The following FRK variants were observed in gnomAD, a reference collection of about 807,000 sequenced individuals.
The protein encoded by FRK is fyn related Src family tyrosine kinase.
FRK carries 51 observed loss-of-function variants against 56.4 expected under a neutral mutation model. That is an observed-to-expected ratio of 0.90 (90% CI 0.72 to 1.14). FRK has a LOEUF of 1.14. Among genes scored for constraint, FRK ranks in the 50% most tolerant of loss-of-function variants. The pLI is 0.00. For missense variants in FRK, 570 were observed against 601.4 expected (o/e 0.95, Z 0.55); for synonymous variants, 245 against 217.9 (o/e 1.12, Z -1.10).
At chr6:116,099,056 A>C in the FRK span, among the ~76,000 whole-genome samples, 13 of 152,350 alleles carry the variant, frequency 8.5e-5, no homozygotes, top group Non-Finnish European at 1.6e-4. Context: ...CAGCAAGTAC[A>C]TAAGATTGTT....
intron 1 of FRK, among the ~76,000 whole-genome samples, chr6:116,017,276 C>T (rs1162731445): frequency 1.3e-5 from 2 of 152,172 alleles, no homozygotes; most frequent in Non-Finnish European, 2.9e-5. Context: ...TGAACTGCAA[C>T]CTAAATGGAT....
upstream of FRK, among the ~76,000 whole-genome samples, chr6:116,062,481 GAAAA>G (rs1462884152): frequency 6.7e-6 from 1 of 149,926 alleles, no homozygotes; most frequent in Non-Finnish European, 1.5e-5. Flanking sequence ...AAAAAGAAAA[GAAAA>G]GAAAGAAAGA....
In FRK at chr6:115,956,604, A is replaced by G. The variant is rs749347146; in HGVS notation, c.806T>C (p.Met269Thr). The G allele has an allele frequency of 6.4e-7, 1 of 1,550,812 alleles. No individual in the cohort carries two copies. The highest frequency in any genetic ancestry group is 8.7e-7 in the Non-Finnish European group (1 of 1,149,500). The change falls in exon 5 of 8, where the codon ATG (methionine) becomes ACG (threonine). Residue 269 changes from methionine (M) to threonine (T), a missense_variant. Coordinates refer to ENST00000606080, the MANE Select transcript of FRK (RefSeq NM_002031.3). The part of the protein sequence containing the change: ...VAVKTLKPGS[M>T]DPNDFLREAQ... ...CTCCCTCAGGAAGTCATTTGGATCC[A>G]TTGAACCTGAAACAAGAAGAGGGAG...
intron 1 of FRK, among the ~76,000 whole-genome samples, chr6:116,044,894 C>T (rs1776877710): frequency 6.6e-6 from 1 of 152,166 alleles, no homozygotes; most frequent in Non-Finnish European, 1.5e-5. Flanking sequence ...AGTGTCAATA[C>T]AAAATCAATG....
At chr6:116,001,812 C>T (rs570913175) in intron 2 of FRK, among the ~76,000 whole-genome samples, 332 of 152,166 alleles carry the variant, frequency 2.2e-3, no homozygotes, top group African/African-American at 7.1e-3. Flanking sequence ...GGAATAAAGT[C>T]TCTTCTTTCG....
At chr6:116,056,257 C>T (rs1777396900) in intron 1 of FRK, among the ~76,000 whole-genome samples, 1 of 151,188 alleles carries the variant, frequency 6.6e-6, no homozygotes, top group Non-Finnish European at 1.5e-5. Flanking sequence ...CTCTGTCACC[C>T]AGCCTGGAGT....
the FRK span, among the ~76,000 whole-genome samples, chr6:116,099,469 A>G: frequency 1.6e-4 from 24 of 152,340 alleles, no homozygotes; most frequent in African/African-American, 4.8e-4. Flanking sequence ...CAGGGCCAAC[A>G]AGCTTTTTCC....
At chr6:116,065,134 A>C (rs565955885), upstream of FRK, among the ~76,000 whole-genome samples, 90 of 152,240 alleles carry the variant, frequency 5.9e-4, 1 homozygote, top group African/African-American at 2.1e-3. Flanking sequence ...CCCCACTCCT[A>C]ATATACACAA....
intron 2 of FRK, among the ~76,000 whole-genome samples, chr6:116,002,135 T>C (rs192041770): frequency 6.3e-4 from 96 of 152,312 alleles, no homozygotes; most frequent in African/African-American, 2.3e-3. Flanking sequence ...TATAGAAAAG[T>C]TTTTTATGTT....
chr6:115,980,021 G>A (rs1186660246), intron 2 of FRK, among the ~76,000 whole-genome samples: 1 of 152,120 alleles, frequency 6.6e-6, no homozygotes, highest in Non-Finnish European at 1.5e-5. Flanking sequence ...CTCACATTAT[G>A]TCCTCATAAG....
the FRK span, among the ~76,000 whole-genome samples, chr6:116,069,057 A>G: frequency 1.3e-5 from 2 of 152,190 alleles, no homozygotes; most frequent in South Asian, 4.1e-4. Flanking sequence ...ATAGTTATCC[A>G]TGGTTTACCC....
At position 115,934,483 on chromosome 6, in the gene FRK, A is replaced by G. The variant is rs1407513352; in HGVS notation, c.*7931T>C. Reference sequence around the variant, plus strand: ...ACGCGGAACCCCAGTTTTGCCATTGATAGCCATCTGTGACCCTGGGAAGGA... The same window carrying G: ...ACGCGGAACCCCAGTTTTGCCATTGGTAGCCATCTGTGACCCTGGGAAGGA... On this transcript the variant is annotated 3_prime_UTR_variant, in exon 8 of 8. Transcript: ENST00000606080. 1 of 152,226 alleles carries G rather than the reference A, an allele frequency of 6.6e-6. No individual in the cohort carries two copies. The highest frequency in any genetic ancestry group is 2.4e-5 in the African/African-American group (1 of 41,448). 9.4% of individuals were successfully genotyped at this position (152,226 alleles called of 1,614,324 possible). A position where few individuals can be genotyped will look rare whatever the true frequency, so the allele number is the denominator to read the frequency against.
In FRK at chr6:115,958,790, A is replaced by G. The variant is rs1318123375; in HGVS notation, c.800-2180T>C. ...AAGAGGGGGGGGAAGGAGAGAGAGA[A>G]AGAAAGAAAAAGAAAGAAAGAAAGA... On this transcript the variant is annotated intron_variant, in intron 4 of 7. Transcript: ENST00000606080. Among the ~76,000 whole-genome samples the G allele has an allele frequency of 1.9e-4, 15 of 77,378 alleles. 1 individual carries two copies. In the East Asian group the frequency reaches 2.5e-3, roughly 13 times the overall value. The allele number at this position is 77,378 out of a possible 152,430, so 50.8% of individuals were successfully genotyped here.
chr6:116,060,006 A>G lies in FRK; in HGVS notation c.306T>C (p.Ser102=). 2 of 1,614,190 alleles carry G rather than the reference A, an allele frequency of 1.2e-6. No individual in the cohort carries two copies. The highest frequency in any genetic ancestry group is 1.7e-6 in the Non-Finnish European group (2 of 1,180,028). Residue 102 remains serine, a synonymous_variant, in exon 1 of 8, where the codon TCT becomes TCC. Coordinates refer to ENST00000606080, the MANE Select transcript of FRK (RefSeq NM_002031.3). ...GGCTTCTGTCCTCAGCCACGTAGTT[A>G]GAAGGAATATAGCCTTGTAGTTGCT... is the stretch of plus-strand genomic sequence containing the variant. ...SSQQLQGYIP[S]NYVAEDRSLQ... is the part of the protein sequence containing the mutation.
chr6:115,942,617 C>A lies in FRK; in HGVS notation c.1315G>T (p.Gly439Cys), dbSNP rs1182664550. ...YGKMPYSGMT[G>C]AQVIQMLAQN... ...GCCAACATCTGGATTACCTGGGCAC[C>A]TGTCATACCTTGAAAATACAGAACG... Residue 439 changes from glycine to cysteine, a missense_variant, in exon 8 of 8, where the codon GGT becomes TGT. By Grantham distance (159) the Gly-to-Cys change is radical. Coordinates refer to ENST00000606080, the MANE Select transcript of FRK (RefSeq NM_002031.3). 1 of 1,612,626 alleles carries A rather than the reference C, an allele frequency of 6.2e-7. No individual in the cohort carries two copies.
chr6:116,042,614 T>A (rs1320926651), intron 1 of FRK, among the ~76,000 whole-genome samples: 1 of 152,094 alleles, frequency 6.6e-6, no homozygotes, highest in Non-Finnish European at 1.5e-5. Flanking sequence ...AAAACGGGTT[T>A]CAGACACTGC....
At chr6:116,036,245 C>T (rs145587534) in intron 1 of FRK, among the ~76,000 whole-genome samples, 1 of 152,084 alleles carries the variant, frequency 6.6e-6, no homozygotes, top group African/African-American at 2.4e-5. Context: ...GGGATAGTTC[C>T]CTCCACCTCC....
chr6:116,065,782 CA>C (rs1292707882), upstream of FRK, among the ~76,000 whole-genome samples: 2 of 152,188 alleles, frequency 1.3e-5, no homozygotes, highest in Non-Finnish European at 2.9e-5. Flanking sequence ...TATATTGACA[CA>C]ATGCCTAACA....
intron 1 of FRK, among the ~76,000 whole-genome samples, chr6:116,010,393 A>C (rs1325663339): frequency 6.6e-6 from 1 of 152,212 alleles, no homozygotes. Flanking sequence ...TAAATATAAA[A>C]AATTAAAAGA....
Sources: gnomAD v4.1 joint callset for allele counts (sites outside exome capture counted in the v4.1 genomes callset) on GRCh38, gnomAD v4.1.1 for gene constraint, MANE v1.5 for transcripts, NCBI Gene and HGNC (gene_info 2026-07-23, HGNC 2026-07-21) for gene names.